Variants in CNOT6L observed in about 807,000 individuals in gnomAD.
CNOT6L encodes the protein CCR4-NOT transcription complex subunit 6-like.
CNOT6L carries 7 observed loss-of-function variants against 64.0 expected under a neutral mutation model. That is an observed-to-expected ratio of 0.11 (90% confidence interval 0.06 to 0.21). The LOEUF (loss-of-function observed/expected upper bound fraction) is 0.21, where lower values mean the gene tolerates loss of function less well. CNOT6L is among the 10% of genes least tolerant of loss of function. The pLI is 1.00. For missense variants in CNOT6L, 245 were observed against 669.0 expected (o/e 0.37, Z 6.99); for synonymous variants, 193 against 243.4 (o/e 0.79, Z 1.93).
At chr4:77,744,492 A>G (rs925634787) in intron 7 of CNOT6L, among the ~76,000 whole-genome samples, 1 of 152,244 alleles carries the variant, frequency 6.6e-6, no homozygotes, top group Admixed American at 6.5e-5. Context: ...CCACTTAAGA[A>G]AACAGTAAAT....
At chr4:77,813,460 A>C (rs1456828163) in intron 1 of CNOT6L, among the ~76,000 whole-genome samples, 1 of 152,188 alleles carries the variant, frequency 6.6e-6, no homozygotes, top group African/African-American at 2.4e-5. Context: ...CTCAAATGAC[A>C]CCATCAGGAA....
At chr4:77,748,211 A>G in intron 6 of CNOT6L, 105 bp downstream of exon 6, 1 of 803,178 alleles carries the variant, frequency 1.2e-6, no homozygotes, top group Non-Finnish European at 2.1e-6. Context: ...AAATGCATCT[A>G]CCCATGAAAG....
At chr4:77,743,128 C>T (rs896673813) in intron 7 of CNOT6L, among the ~76,000 whole-genome samples, 3 of 152,010 alleles carry the variant, frequency 2.0e-5, no homozygotes, top group Non-Finnish European at 2.9e-5. Context: ...AAAAATACTC[C>T]AGAAGTTTTA....
At chr4:77,783,806 C>A (rs72864995) in intron 1 of CNOT6L, among the ~76,000 whole-genome samples, 3 of 151,678 alleles carry the variant, frequency 2.0e-5, no homozygotes, top group African/African-American at 7.3e-5. Flanking sequence ...AATTAGATAA[C>A]CCAAGGAACA....
chr4:77,773,461 C>A (rs2110059084), intron 3 of CNOT6L, among the ~76,000 whole-genome samples: 1 of 152,206 alleles, frequency 6.6e-6, no homozygotes, highest in Middle Eastern at 3.4e-3. Context: ...CCTTTTTTCT[C>A]ACCCAAAATG....
chr4:77,789,191 A>G (rs2110103193), intron 1 of CNOT6L, among the ~76,000 whole-genome samples: 1 of 152,240 alleles, frequency 6.6e-6, no homozygotes, highest in East Asian at 1.9e-4. Flanking sequence ...AGCTAATCAT[A>G]CAGCTCTTAG....
At chr4:77,795,351 C>T (rs1340297262) in intron 1 of CNOT6L, among the ~76,000 whole-genome samples, 2 of 151,928 alleles carry the variant, frequency 1.3e-5, no homozygotes, top group African/African-American at 4.8e-5. Context: ...TTTACAATGA[C>T]ATAAAAAAAT....
intron 1 of CNOT6L, among the ~76,000 whole-genome samples, chr4:77,781,050 A>G (rs1728802517): frequency 6.6e-6 from 1 of 152,212 alleles, no homozygotes; most frequent in African/African-American, 2.4e-5. Context: ...TGAAGCTGGA[A>G]GCCATCATTC....
intron 6 of CNOT6L, 111 bp downstream of exon 6, chr4:77,748,205 G>A: frequency 1.3e-6 from 1 of 760,212 alleles, no homozygotes. Flanking sequence ...ATTTTTAAAT[G>A]CATCTACCCA....
intron 4 of CNOT6L, among the ~76,000 whole-genome samples, chr4:77,763,526 TG>T (rs1435210326): frequency 6.6e-6 from 1 of 152,154 alleles, no homozygotes; most frequent in Admixed American, 6.5e-5. Flanking sequence ...AAAAACTGAC[TG>T]AACTACATAA....
At chr4:77,746,639 A>G (rs887480169) in intron 6 of CNOT6L, among the ~76,000 whole-genome samples, 2 of 152,216 alleles carry the variant, frequency 1.3e-5, no homozygotes, top group African/African-American at 4.8e-5. Context: ...TAGCTGTGCA[A>G]TATTAGAAAA....
rs375070248 is a variant in CNOT6L, at chr4:77,776,418, T to A, written c.6-26A>T. The A allele has an allele frequency of 2.2e-5, 32 of 1,443,346 alleles. No individual in the cohort carries two copies. In the African/African-American group the frequency reaches 3.6e-4, roughly 16 times the overall value. 89.4% of individuals were successfully genotyped at this position (1,443,346 alleles called of 1,614,324 possible). ...CTGTTTAAAAAAAAAAAGGAGGAGA[T>A]CAATAATTATTATAGTCTTACTTTA... is the stretch of plus-strand genomic sequence containing the variant. On this transcript the variant is annotated intron_variant, in intron 1 of 11. Transcript: ENST00000504123.
At chr4:77,803,385 A>C (rs1731827266) in intron 1 of CNOT6L, among the ~76,000 whole-genome samples, 1 of 152,246 alleles carries the variant, frequency 6.6e-6, no homozygotes, top group African/African-American at 2.4e-5. Flanking sequence ...ACATTTCTAA[A>C]GGGCAATCTG....
chr4:77,755,350 G>A (rs1725443429), intron 5 of CNOT6L, among the ~76,000 whole-genome samples: 1 of 144,816 alleles, frequency 6.9e-6, no homozygotes, highest in African/African-American at 2.5e-5. Context: ...CCAAGTAGCT[G>A]GGACTACAGG....
chr4:77,760,854 G>T, intron 4 of CNOT6L, among the ~76,000 whole-genome samples: 1 of 76,424 alleles, frequency 1.3e-5, no homozygotes, highest in Non-Finnish European at 2.7e-5. Context: ...ACACCACCAT[G>T]CCTGGCTTTT....
chr4:77,810,206 T>A (rs1166176644), intron 1 of CNOT6L, among the ~76,000 whole-genome samples: 2 of 152,102 alleles, frequency 1.3e-5, no homozygotes, highest in Non-Finnish European at 2.9e-5. Context: ...TAAAAATTTT[T>A]AAAAATATTT....
chr4:77,781,616 G>C (rs1179435906), intron 1 of CNOT6L, among the ~76,000 whole-genome samples: 1 of 152,130 alleles, frequency 6.6e-6, no homozygotes, highest in Non-Finnish European at 1.5e-5. Context: ...GGAAAATAAA[G>C]TAGCATAACT....
chr4:77,779,081 A>C (rs1254422609), intron 1 of CNOT6L, among the ~76,000 whole-genome samples: 1 of 150,770 alleles, frequency 6.6e-6, no homozygotes, highest in Non-Finnish European at 1.5e-5. Flanking sequence ...AAACACAAAA[A>C]ACACACAGGC....
intron 1 of CNOT6L, among the ~76,000 whole-genome samples, chr4:77,803,921 C>A (rs763297097): frequency 5.9e-5 from 9 of 151,562 alleles, no homozygotes; most frequent in Non-Finnish European, 1.3e-4. Context: ...AAGAAAAAAG[C>A]GTGAGGTGTG....
Sources: allele counts gnomAD v4.1 joint callset (sites outside exome capture counted in the v4.1 genomes callset), GRCh38; gene constraint gnomAD v4.1.1; transcripts MANE v1.5; gene names NCBI Gene and HGNC (gene_info 2026-07-23, HGNC 2026-07-21).